GREM2: variants seen among roughly 807,000 people sequenced by gnomAD.
GREM2 encodes gremlin 2, DAN family BMP antagonist, also known as gremlin-2.
A neutral mutation model predicts 14.2 loss-of-function variants in GREM2; 11 were observed. The observed-to-expected ratio is 0.78, with a 90% CI of 0.49 to 1.28. The LOEUF (loss-of-function observed/expected upper bound fraction) is 1.28. GREM2 is among the 50% of genes most tolerant of loss of function. GREM2 has a pLI of 0.00. For missense variants in GREM2, 210 were observed against 218.5 expected (o/e 0.96, Z 0.24); for synonymous variants, 98 against 97.6 (o/e 1.00, Z -0.02).
At position 240,500,635 on chromosome 1, in the gene GREM2, T is replaced by C. The variant is rs538474625; in HGVS notation, c.-1-7159A>G. 7.6e-4 allele frequency among the ~76,000 whole-genome samples: 116 copies of C among 152,282 alleles called. 1 individual carries two copies. The highest frequency in any genetic ancestry group is 2.7e-3 in the African/African-American group (113 of 41,570). On this transcript the variant is annotated intron_variant, in intron 1 of 1. Transcript: ENST00000318160. ...TCTTTACATAAATTATATCACACTCTTTTGCAACTTTTTCCCCAAGAGATA... is the reference window on the plus strand; with the variant it reads ...TCTTTACATAAATTATATCACACTCCTTTGCAACTTTTTCCCCAAGAGATA...
chr1:240,515,055 G>T (rs1235831218), intron 1 of GREM2, among the ~76,000 whole-genome samples: 1 of 152,204 alleles, frequency 6.6e-6, no homozygotes, highest in African/African-American at 2.4e-5. Context: ...AGATAGGAAA[G>T]AGGTGAGGAT....
rs556975887 is a variant in GREM2, at chr1:240,591,525, A to G, written c.-2+20359T>C. Among the ~76,000 whole-genome samples the G allele has an allele frequency of 3.9e-5, 6 of 152,254 alleles. No individual in the cohort carries two copies. In the East Asian group the frequency reaches 1.2e-3, roughly 29 times the overall value. On this transcript the variant is annotated intron_variant, in intron 1 of 1. Transcript: ENST00000318160. ...ATTCCTTCCTCACTCATGTTAGTCGACGCTCACGTTTTGGCGGAATTTCCT... is the reference window on the plus strand; with the variant it reads ...ATTCCTTCCTCACTCATGTTAGTCGGCGCTCACGTTTTGGCGGAATTTCCT...
At chr1:240,573,731 C>T (rs1039952221) in intron 1 of GREM2, among the ~76,000 whole-genome samples, 1 of 152,104 alleles carries the variant, frequency 6.6e-6, no homozygotes, top group Non-Finnish European at 1.5e-5. Flanking sequence ...GAGGACTGTG[C>T]TATTAATGCT....
intron 1 of GREM2, among the ~76,000 whole-genome samples, chr1:240,562,952 ATGTG>A (rs1241760647): frequency 5.2e-5 from 6 of 115,766 alleles, no homozygotes; most frequent in South Asian, 2.7e-4. Flanking sequence ...GTGAGTGTGT[ATGTG>A]TGTGAGTGTG....
chr1:240,550,392 T>C (rs1678823357), intron 1 of GREM2: 1 of 146,628 alleles, frequency 6.8e-6, no homozygotes, highest in Non-Finnish European at 1.5e-5. Flanking sequence ...ATTTACAGAT[T>C]AATGATTTGT....
At chr1:240,509,171 G>A (rs562249963) in intron 1 of GREM2, among the ~76,000 whole-genome samples, 10 of 152,108 alleles carry the variant, frequency 6.6e-5, no homozygotes, top group Non-Finnish European at 1.3e-4. Context: ...TTTCCAATTA[G>A]GATGCCTTTC....
chr1:240,593,369 A>G (rs1328208583), intron 1 of GREM2, among the ~76,000 whole-genome samples: 1 of 151,692 alleles, frequency 6.6e-6, no homozygotes, highest in East Asian at 1.9e-4. Context: ...TGGAGCTATG[A>G]GCTCAGGCCT....
intron 1 of GREM2, among the ~76,000 whole-genome samples, chr1:240,595,194 T>C (rs1679796256): frequency 6.6e-6 from 1 of 152,150 alleles, no homozygotes; most frequent in African/African-American, 2.4e-5. Flanking sequence ...TAGCTGGGCA[T>C]GGTGGTGTGC....
At chr1:240,493,618 T>C in intron 1 of GREM2, 142 bp from the exon 2 acceptor site, 1 of 1,006,204 alleles carries the variant, frequency 9.9e-7, no homozygotes, top group Non-Finnish European at 1.4e-6. Context: ...TGCTGCAGGC[T>C]CAAACTCTGG....
At chr1:240,523,662 T>G (rs1398552081) in intron 1 of GREM2, among the ~76,000 whole-genome samples, 1 of 152,178 alleles carries the variant, frequency 6.6e-6, no homozygotes, top group Non-Finnish European at 1.5e-5. Flanking sequence ...TTTTGTTTTG[T>G]TTTGTTTTTT....
chr1:240,521,328 GCA>G (rs1678084248), intron 1 of GREM2, among the ~76,000 whole-genome samples: 2 of 152,142 alleles, frequency 1.3e-5, no homozygotes, highest in Non-Finnish European at 2.9e-5. Flanking sequence ...CAGCACTTTA[GCA>G]GGCCGAAGTG....
intron 1 of GREM2, among the ~76,000 whole-genome samples, chr1:240,558,425 C>G (rs1447979583): frequency 6.6e-6 from 1 of 151,328 alleles, no homozygotes; most frequent in African/African-American, 2.4e-5. Flanking sequence ...AAGAAAAAAG[C>G]CTGCAAAGCA....
intron 1 of GREM2, among the ~76,000 whole-genome samples, chr1:240,525,133 C>G (rs1409057634): frequency 6.6e-6 from 1 of 152,204 alleles, no homozygotes; most frequent in Non-Finnish European, 1.5e-5. Context: ...CTCCCTTTAA[C>G]ACTGGATTCT....
chr1:240,610,816 A>G (rs991122587), intron 1 of GREM2, among the ~76,000 whole-genome samples: 8 of 152,200 alleles, frequency 5.3e-5, no homozygotes, highest in African/African-American at 1.9e-4. Context: ...CCACTGCAGA[A>G]AAAGCGCTTT....
At chr1:240,596,065 T>C (rs1571949597) in intron 1 of GREM2, among the ~76,000 whole-genome samples, 1 of 152,194 alleles carries the variant, frequency 6.6e-6, no homozygotes, top group African/African-American at 2.4e-5. Flanking sequence ...TCAGTTATTA[T>C]AGTAGAATAC....
chr1:240,521,687 G>C (rs143204771), intron 1 of GREM2, among the ~76,000 whole-genome samples: 2 of 152,304 alleles, frequency 1.3e-5, no homozygotes, highest in Non-Finnish European at 2.9e-5. Flanking sequence ...ATTCACACTA[G>C]AGAACTTGCC....
At chr1:240,609,609 G>T (rs562200743) in intron 1 of GREM2, among the ~76,000 whole-genome samples, 1 of 151,984 alleles carries the variant, frequency 6.6e-6, no homozygotes, top group African/African-American at 2.4e-5. Flanking sequence ...TTTTTTGTCC[G>T]TAGATATTTG....
intron 1 of GREM2, among the ~76,000 whole-genome samples, chr1:240,541,107 A>C (rs1678577922): frequency 6.6e-6 from 1 of 152,194 alleles, no homozygotes; most frequent in Non-Finnish European, 1.5e-5. Context: ...AACCCTTTTG[A>C]AACTTCCCTG....
At position 240,492,167 on chromosome 1, in the gene GREM2, C is replaced by G; in HGVS notation, c.*802G>C. ...AATATACGGTCACTTATAAAACCAG[C>G]GTTAATATAGAGACCTTTGTGTGTG... On this transcript the variant is annotated 3_prime_UTR_variant, in exon 2 of 2. Coordinates refer to ENST00000318160, the MANE Select transcript of GREM2 (RefSeq NM_022469.4). 1 of 439,602 alleles carries G rather than the reference C, an allele frequency of 2.3e-6. No homozygotes were observed. The highest frequency in any genetic ancestry group is 4.6e-6 in the Non-Finnish European group (1 of 216,590). The allele number at this position is 439,602 out of a possible 1,614,324, so 27.2% of individuals were successfully genotyped here. A position where few individuals can be genotyped will look rare whatever the true frequency, so the allele number is the denominator to read the frequency against.
Sources: gnomAD v4.1 joint callset for allele counts (sites outside exome capture counted in the v4.1 genomes callset) on GRCh38, gnomAD v4.1.1 for gene constraint, MANE v1.5 for transcripts, NCBI Gene and HGNC (gene_info 2026-07-23, HGNC 2026-07-21) for gene names.